GSE1: variants seen among roughly 807,000 people sequenced by gnomAD.
The protein encoded by GSE1 is genetic suppressor element 1.
In GSE1, 32 loss-of-function variants were observed where a neutral mutation model predicts 112.6. The observed-to-expected ratio is 0.28, with a 90% confidence interval of 0.21 to 0.38. The LOEUF (loss-of-function observed/expected upper bound fraction) is 0.38, where lower values mean the gene tolerates loss of function less well. Ranked by LOEUF, GSE1 falls within the 10% of genes least tolerant of loss-of-function variation. The pLI, the probability that GSE1 is intolerant of heterozygous loss-of-function variation, is 1.00. For missense variants in GSE1, 2,348 were observed against 1,699.2 expected (o/e 1.38, Z -6.71); for synonymous variants, 1,115 against 735.6 (o/e 1.52, Z -8.35).
At chr16:85,301,175 A>C (rs566695217) in intron 1 of GSE1, among the ~76,000 whole-genome samples, 46 of 152,324 alleles carry the variant, frequency 3.0e-4, no homozygotes, top group African/African-American at 1.0e-3. Flanking sequence ...GGCGGTTGCC[A>C]AGCCCACTGC....
intron 2 of GSE1, among the ~76,000 whole-genome samples, chr16:85,374,468 C>T (rs1458858122): frequency 6.6e-6 from 1 of 151,388 alleles, no homozygotes; most frequent in Admixed American, 6.6e-5. Flanking sequence ...TTTGTGTGCA[C>T]ATGTATGATT....
intron 1 of GSE1, among the ~76,000 whole-genome samples, chr16:85,569,169 G>T (rs764071651): frequency 1.7e-4 from 26 of 152,208 alleles, no homozygotes; most frequent in Non-Finnish European, 1.8e-4. Flanking sequence ...ACTCTAGCCT[G>T]CCCTTCTCTA....
chr16:85,614,531 C>T (rs112297228), intron 1 of GSE1, among the ~76,000 whole-genome samples: 55 of 152,260 alleles, frequency 3.6e-4, no homozygotes, highest in African/African-American at 1.0e-3. Context: ...GGGGAAGGGA[C>T]ACCGCGACAC....
At chr16:85,292,866 C>G (rs956615267) in intron 1 of GSE1, among the ~76,000 whole-genome samples, 2 of 152,222 alleles carry the variant, frequency 1.3e-5, no homozygotes, top group African/African-American at 4.8e-5. Flanking sequence ...GTCTGTGAAA[C>G]AGGGACAATG....
In GSE1 at chr16:85,480,580, A is replaced by G. The variant is rs369098515; in HGVS notation, c.2464+122937A>G. Among the ~76,000 whole-genome samples the G allele has an allele frequency of 4.7e-3, 713 of 152,298 alleles. 4 individuals are homozygous for G. The highest frequency in any genetic ancestry group is 7.8e-3 in the Non-Finnish European group (531 of 68,022). On this transcript the variant is annotated intron_variant, in intron 2 of 2. Transcript: ENST00000637419. ...CCCCCACCTTCCCCCGCCACCCAGA[A>G]CAAATCACATGGCCCATCGGACCTG...
At chr16:85,571,553 C>G (rs754526400) in intron 1 of GSE1, among the ~76,000 whole-genome samples, 60 of 152,112 alleles carry the variant, frequency 3.9e-4, no homozygotes, top group Non-Finnish European at 7.9e-4. Flanking sequence ...GATACTGGCA[C>G]GGGCCTGGGA....
intron 1 of GSE1, among the ~76,000 whole-genome samples, chr16:85,248,809 A>G (rs1906147037): frequency 6.6e-6 from 1 of 152,060 alleles, no homozygotes; most frequent in Non-Finnish European, 1.5e-5. Context: ...TGAAGATACC[A>G]GGGTCCAGGC....
At chr16:85,308,314 G>A (rs1325254973) in intron 1 of GSE1, among the ~76,000 whole-genome samples, 2 of 152,130 alleles carry the variant, frequency 1.3e-5, no homozygotes, top group Non-Finnish European at 2.9e-5. Context: ...TCCAGCCTCC[G>A]GGAGGACGCT....
rs1311910858 is a variant in GSE1, at chr16:85,331,565, GTA to G, written c.2284-25892_2284-25891del. Among the ~76,000 whole-genome samples the G allele has an allele frequency of 2.3e-4, 24 of 105,732 alleles. 1 individual carries two copies. The highest frequency in any genetic ancestry group is 9.2e-4 in the African/African-American group (23 of 24,886). 69.4% of individuals were successfully genotyped at this position (105,732 alleles called of 152,430 possible). Reference sequence around the variant, plus strand: ...TATGTGTGTATATATGTGTATATGTGTATATATGTGTACATGTGTATATATGT... The same window carrying G: ...TATGTGTGTATATATGTGTATATGTGTATATGTGTACATGTGTATATATGT... On this transcript the variant is annotated intron_variant, in intron 1 of 2. Transcript: ENST00000637419.
chr16:85,352,211 C>A (rs1663136963), intron 1 of GSE1, among the ~76,000 whole-genome samples: 1 of 152,316 alleles, frequency 6.6e-6, no homozygotes, highest in South Asian at 2.1e-4. Flanking sequence ...AGAAAGCACT[C>A]CAGCTCCCTG....
intron 2 of GSE1, among the ~76,000 whole-genome samples, chr16:85,485,258 C>G (rs2050796362): frequency 6.6e-6 from 1 of 152,236 alleles, no homozygotes; most frequent in African/African-American, 2.4e-5. Flanking sequence ...AGGCATGGAT[C>G]CCAGGCCCTG....
intron 5 of GSE1, 143 bp downstream of exon 5, chr16:85,655,134 C>G: frequency 1.5e-6 from 1 of 656,482 alleles, no homozygotes. Flanking sequence ...TCGTCCCCAG[C>G]TTTGAGCCTA....
chr16:85,249,559 C>G (rs1280488778), intron 1 of GSE1, among the ~76,000 whole-genome samples: 1 of 152,218 alleles, frequency 6.6e-6, no homozygotes, highest in African/African-American at 2.4e-5. Context: ...GCACCAGCAC[C>G]AAGACTTCTC....
At chr16:85,534,802 G>A (rs746425035) in intron 2 of GSE1, among the ~76,000 whole-genome samples, 17 of 152,188 alleles carry the variant, frequency 1.1e-4, no homozygotes, top group Non-Finnish European at 2.4e-4. Context: ...TGTCTGTGAC[G>A]TCCGTCAGCG....
chr16:85,533,732 G>T (rs898404038), intron 2 of GSE1, among the ~76,000 whole-genome samples: 2 of 152,040 alleles, frequency 1.3e-5, no homozygotes, highest in Non-Finnish European at 2.9e-5. Flanking sequence ...GGACGTAGTG[G>T]CACGTACCTG....
intron 2 of GSE1, among the ~76,000 whole-genome samples, chr16:85,527,247 C>T (rs113374469): frequency 6.6e-6 from 1 of 152,228 alleles, no homozygotes; most frequent in African/African-American, 2.4e-5. Context: ...GGGGCTGGCT[C>T]CGGCCTCGCC....
chr16:85,666,448 GT>G, intron 13 of GSE1, 101 bp downstream of exon 13: 3 of 1,127,962 alleles, frequency 2.7e-6, no homozygotes, highest in Non-Finnish European at 3.9e-6. Flanking sequence ...GTGGGCACAA[GT>G]TTTTATAAAC....
intron 12 of GSE1, among the ~76,000 whole-genome samples, chr16:85,665,343 T>A (rs1033950730): frequency 6.6e-6 from 1 of 152,070 alleles, no homozygotes; most frequent in African/African-American, 2.4e-5. Flanking sequence ...GAGGGGAGGG[T>A]CTGGCTTCTG....
At chr16:85,617,597 C>G (rs1228484949) in intron 1 of GSE1, among the ~76,000 whole-genome samples, 3 of 2,776 alleles carry the variant, frequency 1.1e-3, no homozygotes, top group South Asian at 0.031. Flanking sequence ...TGTCAACCCT[C>G]CCCCCCCCCC....
Sources: allele counts gnomAD v4.1 joint callset (sites outside exome capture counted in the v4.1 genomes callset), GRCh38; gene constraint gnomAD v4.1.1; transcripts MANE v1.5; gene names NCBI Gene and HGNC (gene_info 2026-07-23, HGNC 2026-07-21).